GLYAT: variants seen among roughly 807,000 people sequenced by gnomAD.
GLYAT encodes the protein glycine-N-acyltransferase, also known as glycine N-acyltransferase.
A neutral mutation model predicts 22.8 loss-of-function variants in GLYAT; 25 were observed. That is an observed-to-expected ratio of 1.09 (90% CI 0.80 to 1.53). GLYAT has a LOEUF of 1.53. Among genes scored for constraint, GLYAT ranks in the 40% most tolerant of loss-of-function variants. The probability of loss-of-function intolerance (pLI) is 0.00; values close to 1 mark genes in which losing one functional copy is unlikely to be tolerated. For missense variants in GLYAT, 411 were observed against 353.9 expected (o/e 1.16, Z -1.29); for synonymous variants, 140 against 122.7 (o/e 1.14, Z -0.93).
At position 58,708,901 on chromosome 11, in the gene GLYAT, A is replaced by G. The variant is rs1856573587; in HGVS notation, c.*865T>C. ...AGTAATGTGCTGAGGCTAATTGGAC[A>G]AGCAGGTGTTCATGCTGTCTCCTCT... On this transcript the variant is annotated 3_prime_UTR_variant, in exon 6 of 6. Coordinates refer to ENST00000344743, the MANE Select transcript of GLYAT (RefSeq NM_201648.3). 1 of 152,210 alleles carries G rather than the reference A, an allele frequency of 6.6e-6. No individual in the cohort carries two copies. Among genetic ancestry groups the G allele is most frequent in the Admixed American group, 6.5e-5 (1 of 15,270 alleles). 9.4% of individuals were successfully genotyped at this position (152,210 alleles called of 1,614,324 possible).
intron 2 of GLYAT, among the ~76,000 whole-genome samples, chr11:58,715,948 G>T (rs1856674453): frequency 6.6e-6 from 1 of 152,096 alleles, no homozygotes; most frequent in Non-Finnish European, 1.5e-5. Context: ...AAGAGTAATT[G>T]CTGGTTTAAA....
intron 1 of GLYAT, among the ~76,000 whole-genome samples, chr11:58,725,217 C>T (rs374482868): frequency 6.6e-6 from 1 of 152,290 alleles, no homozygotes; most frequent in African/African-American, 2.4e-5. Flanking sequence ...CACTTTGAGG[C>T]TAATTCCATC....
intron 2 of GLYAT, chr11:58,724,095 A>G: frequency 4.8e-6 from 1 of 208,684 alleles, no homozygotes; most frequent in Non-Finnish European, 9.5e-6. Context: ...TGCTTCTTGG[A>G]AAGGAGCAAG....
intron 1 of GLYAT, 89 bp downstream of exon 1, chr11:58,731,746 C>T (rs1461489434): frequency 6.6e-6 from 1 of 152,078 alleles, no homozygotes; most frequent in Non-Finnish European, 1.5e-5. Context: ...ATATACAATG[C>T]AATTCTATTA....
At chr11:58,728,044 G>T (rs1856827421) in intron 1 of GLYAT, among the ~76,000 whole-genome samples, 3 of 127,958 alleles carry the variant, frequency 2.3e-5, no homozygotes, top group Admixed American at 8.2e-5. Context: ...TTTCCTTCTT[G>T]CTCTAAAGCT....
At chr11:58,729,404 T>C (rs190108630) in intron 1 of GLYAT, among the ~76,000 whole-genome samples, 1 of 152,316 alleles carries the variant, frequency 6.6e-6, no homozygotes, top group Admixed American at 6.5e-5. Context: ...TAAAGTTTTC[T>C]TCTTTCAATT....
At chr11:58,727,310 A>T (rs564560529) in intron 1 of GLYAT, among the ~76,000 whole-genome samples, 1 of 152,304 alleles carries the variant, frequency 6.6e-6, no homozygotes, top group East Asian at 1.9e-4. Context: ...CCATGGGTGC[A>T]TGAATAACAG....
Position 58,710,105 on chromosome 11 carries a change from G to C in GLYAT, c.552C>G (p.Phe184Leu). ...DVTHAHLVNK[F>L]WHFGGNERSQ... ...TCCTCTCATTACCACCAAAATGCCA[G>C]AATTTATTCACCAAGTGAGCATGGG... Residue 184 changes from phenylalanine (F) to leucine (L), a missense_variant, in exon 6 of 6, where the codon TTC becomes TTG. Transcript: ENST00000344743. The C allele has an allele frequency of 1.2e-6, 2 of 1,614,092 alleles. No homozygotes were observed. The highest frequency in any genetic ancestry group is 1.7e-6 in the Non-Finnish European group (2 of 1,179,974).
rs1429574995 is a variant in GLYAT at position 58,715,410 on chromosome 11, A to ACAGTT, written c.90_94dup (p.Val32GlufsTer6). 2.6e-6 allele frequency: 4 copies of ACAGTT among 1,549,042 alleles called. No individual in the cohort carries two copies. Among genetic ancestry groups the ACAGTT allele is most frequent in the Non-Finnish European group, 1.8e-6 (2 of 1,122,096 alleles). On this transcript the variant is annotated frameshift_variant, in exon 3 of 6. Transcript: ENST00000344743. LOFTEE classifies it high-confidence loss of function. ...TGGATTTCCATGGTTTATGTGAAAG[A>ACAGTT]CAGTTCCATAAACCTGCAGGATCCC...
Position 58,710,734 on chromosome 11 carries a change from A to G in GLYAT, c.344T>C (p.Ile115Thr), listed in dbSNP as rs1856605536. The G allele has an allele frequency of 6.2e-7, 1 of 1,610,720 alleles. No individual in the cohort carries two copies. The change falls in exon 5 of 6, where the codon ATA becomes ACA. Residue 115 changes from isoleucine (I) to threonine (T), a missense_variant. By Grantham distance (89) the Ile-to-Thr change is moderately conservative. Coordinates refer to ENST00000344743, the MANE Select transcript of GLYAT (RefSeq NM_201648.3). ...QSSQPSLNEAIQNLAAIKSFK... is the reference protein window; with the variant it reads ...QSSQPSLNEATQNLAAIKSFK... ...GGACTTAATGGCTGCAAGATTTTGT[A>G]TAGCCTCATTCAGGCTAGGCTGTGA...
chr11:58,717,343 A>C (rs535974082), intron 2 of GLYAT, among the ~76,000 whole-genome samples: 253 of 152,194 alleles, frequency 1.7e-3, no homozygotes, highest in African/African-American at 5.9e-3. Flanking sequence ...AAGGGAGAAA[A>C]AACAACAACA....
At chr11:58,719,882 C>G (rs762523482) in intron 2 of GLYAT, among the ~76,000 whole-genome samples, 5 of 151,824 alleles carry the variant, frequency 3.3e-5, no homozygotes, top group Non-Finnish European at 5.9e-5. Context: ...ATCATATAAA[C>G]TTTTTAAATA....
chr11:58,710,326 G>T (rs1856598029), intron 5 of GLYAT, 158 bp from the exon 6 acceptor site: 2 of 1,255,904 alleles, frequency 1.6e-6, no homozygotes, highest in Non-Finnish European at 2.1e-6. Flanking sequence ...CAGAGTGAAG[G>T]TCAGAGCTGT....
intron 1 of GLYAT, among the ~76,000 whole-genome samples, chr11:58,730,309 C>G (rs1469567806): frequency 2.0e-5 from 3 of 152,104 alleles, no homozygotes; most frequent in South Asian, 4.1e-4. Context: ...ACCCCAATCT[C>G]TACAAAAATA....
intron 2 of GLYAT, among the ~76,000 whole-genome samples, chr11:58,716,462 T>A (rs1310450359): frequency 6.6e-6 from 1 of 152,054 alleles, no homozygotes; most frequent in East Asian, 1.9e-4. Flanking sequence ...TAAGTCTGAG[T>A]TTATCTGAAT....
chr11:58,710,101 G>A lies in GLYAT; in HGVS notation c.556C>T (p.His186Tyr). Residue 186 changes from histidine (H) to tyrosine (Y), a missense_variant, in exon 6 of 6, where the codon CAT (histidine) becomes TAT (tyrosine). His to Tyr is a moderately conservative substitution (Grantham distance 83). Coordinates refer to ENST00000344743, the MANE Select transcript of GLYAT (RefSeq NM_201648.3). The stretch of plus-strand genomic sequence containing the variant: ...TGGCTCCTCTCATTACCACCAAAAT[G>A]CCAGAATTTATTCACCAAGTGAGCA... ...THAHLVNKFW[H>Y]FGGNERSQRF... 1 of 1,614,060 alleles carries A rather than the reference G, an allele frequency of 6.2e-7. No homozygotes were observed. The highest frequency in any genetic ancestry group is 8.5e-7 in the Non-Finnish European group (1 of 1,179,946).
At position 58,715,199 on chromosome 11, in the gene GLYAT, CTTG is replaced by C. The variant is rs1204476521; in HGVS notation, c.189+114_189+116del. On this transcript the variant is annotated intron_variant, in intron 3 of 5. Transcript: ENST00000344743. ...ACTCCGAGCTTCTTGAGGATGGGGA[CTTG>C]TTGACTATTACTATGATTTACTTCT... 7 of 569,124 alleles carry C rather than the reference CTTG, an allele frequency of 1.2e-5. No homozygotes were observed. The African/African-American group carries it at 1.3e-4, about 11-fold the overall frequency. The allele number at this position is 569,124 out of a possible 1,614,324, so 35.3% of individuals were successfully genotyped here. A position where few individuals can be genotyped will look rare whatever the true frequency, so the allele number is the denominator to read the frequency against.
intron 2 of GLYAT, among the ~76,000 whole-genome samples, chr11:58,718,631 G>A (rs1478076504): frequency 6.6e-6 from 1 of 151,648 alleles, no homozygotes; most frequent in Non-Finnish European, 1.5e-5. Flanking sequence ...TGAAAAAAAG[G>A]TTTAAGGCAG....
chr11:58,724,198 T>C, intron 2 of GLYAT: 1 of 457,488 alleles, frequency 2.2e-6, no homozygotes, highest in East Asian at 3.3e-5. Context: ...TCAGTATTTG[T>C]GATATATTGA....
Sources: gnomAD v4.1 joint callset for allele counts (sites outside exome capture counted in the v4.1 genomes callset) on GRCh38, gnomAD v4.1.1 for gene constraint, MANE v1.5 for transcripts, NCBI Gene and HGNC (gene_info 2026-07-23, HGNC 2026-07-21) for gene names.